FILIP1L: variants seen among roughly 807,000 people sequenced by gnomAD.
The protein encoded by FILIP1L is filamin A interacting protein 1 like.
A neutral mutation model predicts 96.6 loss-of-function variants in FILIP1L; 55 were observed. The observed-to-expected ratio is 0.57, with a 90% CI of 0.46 to 0.71. FILIP1L has a LOEUF of 0.71. FILIP1L is among the 30% of genes least tolerant of loss of function. FILIP1L has a pLI of 0.00. For synonymous variants in FILIP1L, 467 were observed against 473.9 expected (o/e 0.99, Z 0.19); for missense variants, 1,304 against 1,321.2 (o/e 0.99, Z 0.20).
At chr3:99,898,611 C>CA in intron 4 of FILIP1L, 1 of 191,494 alleles carries the variant, frequency 5.2e-6, no homozygotes, top group Non-Finnish European at 1.1e-5. Flanking sequence ...TACAAAAATA[C>CA]AAAAACTAGC....
rs777118989 is a variant in FILIP1L, at chr3:99,830,560, G to A, written c.3427C>T (p.Pro1143Ser). ...KQRIPARIPK[P>S]KSTGITKIST... Reference sequence around the variant, plus strand: ...ATCTTGGTGATGCCTGTAGATTTCGGTTTAGGGATCCGTGCTGGGATTCTC... The same window carrying A: ...ATCTTGGTGATGCCTGTAGATTTCGATTTAGGGATCCGTGCTGGGATTCTC... The change falls in exon 6 of 6, where the codon CCG becomes TCG. Residue 1143 changes from proline (P) to serine (S), a missense_variant. By Grantham distance (74) the Pro-to-Ser change is moderately conservative. Coordinates refer to ENST00000477258, the MANE Select transcript of FILIP1L (RefSeq NM_001387850.1). The A allele has an allele frequency of 5.7e-5, 26 of 456,564 alleles. 1 individual carries two copies. The highest frequency in any genetic ancestry group is 3.3e-4 in the South Asian group (21 of 64,570). The allele number at this position is 456,564 out of a possible 1,614,324, so 28.3% of individuals were successfully genotyped here.
At chr3:99,974,144 TGCTTGTA>T (rs1708900888) in intron 1 of FILIP1L, among the ~76,000 whole-genome samples, 1 of 152,210 alleles carries the variant, frequency 6.6e-6, no homozygotes, top group Admixed American at 6.5e-5. Flanking sequence ...TCCTTCTAAT[TGCTTGTA>T]GGTATTGGAC....
intron 1 of FILIP1L, among the ~76,000 whole-genome samples, chr3:99,978,760 C>T (rs1440213460): frequency 6.6e-6 from 1 of 152,112 alleles, no homozygotes; most frequent in East Asian, 1.9e-4. Context: ...CCAGGCAGGA[C>T]TGTAATCCTA....
intron 4 of FILIP1L, chr3:99,876,097 CG>C: frequency 2.0e-6 from 2 of 986,342 alleles, no homozygotes; most frequent in Non-Finnish European, 2.4e-6. Context: ...CGGGGCCGGG[CG>C]GGGGCCGGGC....
intron 1 of FILIP1L, among the ~76,000 whole-genome samples, chr3:99,972,509 G>C (rs1320336963): frequency 1.3e-5 from 2 of 152,148 alleles, no homozygotes; most frequent in African/African-American, 4.8e-5. Flanking sequence ...TAACAGATTG[G>C]TGACACGGCC....
At chr3:99,886,115 G>A (rs539791740) in intron 4 of FILIP1L, among the ~76,000 whole-genome samples, 1 of 152,380 alleles carries the variant, frequency 6.6e-6, no homozygotes, top group East Asian at 1.9e-4. Context: ...GTGCACACGT[G>A]CACATGGACG....
Position 99,850,590 on chromosome 3 carries a change from T to C in FILIP1L, c.1086A>G (p.Glu362=). The C allele has an allele frequency of 6.2e-7, 1 of 1,613,828 alleles. No homozygotes were observed. The highest frequency in any genetic ancestry group is 1.1e-5 in the South Asian group (1 of 91,084). ...CAGCCATGATACCAGCGTTTCCATA[T>C]TCTCCCTTACTGATTTTTTCTTTTA... ...QDIKEKISKG[E]YGNAGIMAEV... Residue 362 remains glutamate, a synonymous_variant, in exon 5 of 6, where the codon GAA becomes GAG. Coordinates refer to ENST00000477258, the MANE Select transcript of FILIP1L (RefSeq NM_001387850.1).
intron 1 of FILIP1L, among the ~76,000 whole-genome samples, chr3:99,951,640 A>G (rs1325020332): frequency 6.6e-6 from 1 of 152,140 alleles, no homozygotes; most frequent in East Asian, 1.9e-4. Flanking sequence ...CTCCCCCACC[A>G]CATATACACA....
In FILIP1L at chr3:99,971,201, C is replaced by G. The variant is rs59112574; in HGVS notation, c.-10-40171G>C. Among the ~76,000 whole-genome samples the G allele has an allele frequency of 3.9e-4, 60 of 152,058 alleles. No individual in the cohort carries two copies. The East Asian group carries it at 7.7e-3, about 20-fold the overall frequency. On this transcript the variant is annotated intron_variant, in intron 1 of 5. Transcript: ENST00000477258. ...AAATACAAAAAATAATTAGCCGGGCCTGGTGGCAGATGCCTGTAGTCCCAG... is the reference window on the plus strand; with the variant it reads ...AAATACAAAAAATAATTAGCCGGGCGTGGTGGCAGATGCCTGTAGTCCCAG...
chr3:99,930,589 G>A (rs1322688233), intron 2 of FILIP1L, among the ~76,000 whole-genome samples, 180 bp downstream of exon 2: 3 of 152,160 alleles, frequency 2.0e-5, no homozygotes, highest in Non-Finnish European at 4.4e-5. Flanking sequence ...AGCCCCTTTA[G>A]ATGGGATTAA....
At chr3:99,912,743 C>T (rs1706832336) in intron 4 of FILIP1L, among the ~76,000 whole-genome samples, 1 of 152,162 alleles carries the variant, frequency 6.6e-6, no homozygotes, top group Non-Finnish European at 1.5e-5. Context: ...TTTTGTTTAT[C>T]CATGCCTCAG....
chr3:99,838,657 G>A lies in FILIP1L; in HGVS notation c.3382-8052C>T, dbSNP rs115428909. Reference sequence around the variant, plus strand: ...CCCTTGCAACTCAGTGTGTTGCCACGGAAAGAGAATGGGGCAACAGAATCA... The same window carrying A: ...CCCTTGCAACTCAGTGTGTTGCCACAGAAAGAGAATGGGGCAACAGAATCA... On this transcript the variant is annotated intron_variant, in intron 5 of 5. Coordinates refer to ENST00000477258, the MANE Select transcript of FILIP1L (RefSeq NM_001387850.1). Among the ~76,000 whole-genome samples the A allele has an allele frequency of 3.8e-3, 576 of 152,234 alleles. 3 individuals are homozygous for A. Among genetic ancestry groups the A allele is most frequent in the African/African-American group, 0.013 (546 of 41,534 alleles).
intron 1 of FILIP1L, among the ~76,000 whole-genome samples, chr3:100,002,605 C>T (rs560946895): frequency 6.6e-6 from 1 of 152,268 alleles, no homozygotes; most frequent in Admixed American, 6.5e-5. Context: ...GCTTTTAAAA[C>T]CAAATGCATA....
intron 4 of FILIP1L, among the ~76,000 whole-genome samples, chr3:99,912,754 T>C (rs1374300347): frequency 2.6e-5 from 4 of 152,204 alleles, no homozygotes; most frequent in Admixed American, 1.3e-4. Flanking sequence ...CATGCCTCAG[T>C]TGATGGACAT....
At chr3:99,894,696 G>A (rs1706193104) in intron 4 of FILIP1L, among the ~76,000 whole-genome samples, 1 of 152,152 alleles carries the variant, frequency 6.6e-6, no homozygotes, top group African/African-American at 2.4e-5. Flanking sequence ...TAATTATGGA[G>A]TTGATTCCCA....
chr3:99,935,712 C>G (rs1237045152), intron 1 of FILIP1L, among the ~76,000 whole-genome samples: 1 of 152,184 alleles, frequency 6.6e-6, no homozygotes, highest in African/African-American at 2.4e-5. Context: ...AATTCTGGGA[C>G]TCTCTGTTGT....
chr3:100,033,582 C>T (rs916337873), intron 1 of FILIP1L, among the ~76,000 whole-genome samples: 19 of 152,332 alleles, frequency 1.2e-4, no homozygotes, highest in Non-Finnish European at 2.6e-4. Flanking sequence ...CCCTCAACTG[C>T]ACTCTTAAAT....
chr3:99,915,195 C>T (rs983454888), intron 4 of FILIP1L, among the ~76,000 whole-genome samples: 11 of 152,076 alleles, frequency 7.2e-5, no homozygotes, highest in Non-Finnish European at 1.3e-4. Context: ...CCATGCTAAC[C>T]GAAGGGAATG....
chr3:99,982,905 T>A (rs1260154382), intron 1 of FILIP1L, among the ~76,000 whole-genome samples: 1 of 152,204 alleles, frequency 6.6e-6, no homozygotes, highest in Admixed American at 6.5e-5. Flanking sequence ...ACAGCTGTGT[T>A]AAACATGTTT....
Sources: allele counts gnomAD v4.1 joint callset (sites outside exome capture counted in the v4.1 genomes callset), GRCh38; gene constraint gnomAD v4.1.1; transcripts MANE v1.5; gene names NCBI Gene and HGNC (gene_info 2026-07-23, HGNC 2026-07-21).